The following DLG4 variants were observed in gnomAD, a reference collection of about 807,000 sequenced individuals.
DLG4 encodes discs large MAGUK scaffold protein 4, also known as disks large homolog 4.
A neutral mutation model predicts 93.8 loss-of-function variants in DLG4; 7 were observed. That is an observed-to-expected ratio of 0.07 (90% CI 0.04 to 0.14). The LOEUF (loss-of-function observed/expected upper bound fraction) is 0.14. Among genes scored for constraint, DLG4 ranks in the 10% least tolerant of loss-of-function variants. The pLI, the probability that DLG4 is intolerant of heterozygous loss-of-function variation, is 1.00. For synonymous variants in DLG4, 341 were observed against 387.6 expected (o/e 0.88, Z 1.41); for missense variants, 545 against 992.9 (o/e 0.55, Z 6.06).
At chr17:7,201,473 C>T (rs2070131861) in intron 8 of DLG4, among the ~76,000 whole-genome samples, 1 of 152,130 alleles carries the variant, frequency 6.6e-6, no homozygotes, top group African/African-American at 2.4e-5. Flanking sequence ...CACAGAACAA[C>T]CCCCCACAAT....
chr17:7,193,922 G>C lies in DLG4; in HGVS notation c.1515+42C>G. On this transcript the variant is annotated intron_variant, in intron 13 of 19. Transcript: ENST00000399506. The surrounding 1 kb of genome is among the most constrained non-coding windows in gnomAD (Gnocchi z 6.7). ...GTTAGTTATGAGCTCAGCTCCATGA[G>C]CCCTCACACTTCCACCCAGGCTCAC... 4 of 1,613,018 alleles carry C rather than the reference G, an allele frequency of 2.5e-6. No individual in the cohort carries two copies. Among genetic ancestry groups the C allele is most frequent in the Non-Finnish European group, 3.4e-6 (4 of 1,179,324 alleles).
At chr17:7,216,104 C>T (rs1321928314) in intron 1 of DLG4, among the ~76,000 whole-genome samples, 3 of 151,678 alleles carry the variant, frequency 2.0e-5, no homozygotes, top group Admixed American at 6.6e-5. Context: ...CCCTGCCCTC[C>T]TCCTACACCT....
At chr17:7,219,718 C>T (rs1342186621), upstream of DLG4, 6 of 1,413,496 alleles carry the variant, frequency 4.2e-6, no homozygotes, top group African/African-American at 5.7e-5. Context: ...ATCCCATCAC[C>T]CCGTCGGAGG....
chr17:7,193,351 C>T lies in DLG4; in HGVS notation c.1693+132G>A, dbSNP rs960133226. ...AATGAGAGGGTGGCTGAGAAGCACC[C>T]CTTCTCGGAGAAACCCTGTATCTCC... On this transcript the variant is annotated intron_variant, in intron 16 of 19. Transcript: ENST00000399506. This position sits in a 1 kb window ranked among gnomAD's most constrained non-coding sequence, Gnocchi z 6.7. 2.8e-6 allele frequency: 3 copies of T among 1,054,218 alleles called. No individual in the cohort carries two copies. Among genetic ancestry groups the T allele is most frequent in the Admixed American group, 2.9e-5 (1 of 34,502 alleles). 65.3% of individuals were successfully genotyped at this position (1,054,218 alleles called of 1,614,324 possible).
At chr17:7,197,177 A>C (rs568474902) in intron 8 of DLG4, 125 bp from the exon 9 acceptor site, 2 of 952,930 alleles carry the variant, frequency 2.1e-6, no homozygotes, top group African/African-American at 1.7e-5. Context: ...CAGAGATGCC[A>C]GGGTGGGGTG....
chr17:7,204,186 C>T lies in DLG4; in HGVS notation c.150+13G>A, dbSNP rs1226742904. The T allele has an allele frequency of 2.4e-5, 38 of 1,607,434 alleles. No individual in the cohort carries two copies. Among genetic ancestry groups the T allele is most frequent in the Non-Finnish European group, 3.2e-5 (38 of 1,175,722 alleles). ...TCTGCAATGGCCCCAGCCCCAAAAT[C>T]TAAACAACTCACATATCCTGGGGCT... On this transcript the variant is annotated intron_variant, in intron 3 of 19. Coordinates refer to ENST00000399506, the MANE Select transcript of DLG4 (RefSeq NM_001321075.3).
At position 7,203,148 on chromosome 17, in the gene DLG4, G is replaced by A. The variant is rs1214210842; in HGVS notation, c.642+45C>T. The A allele has an allele frequency of 2.5e-6, 4 of 1,571,132 alleles. No homozygotes were observed. The highest frequency in any genetic ancestry group is 1.7e-4 in the Middle Eastern group (1 of 5,886). On this transcript the variant is annotated intron_variant, in intron 7 of 19. Coordinates refer to ENST00000399506, the MANE Select transcript of DLG4 (RefSeq NM_001321075.3). This position sits in a 1 kb window ranked among gnomAD's most constrained non-coding sequence, Gnocchi z 7.2. ...CTTGGGCCTGCCAGGGCTAGTAGGT[G>A]AGACCCAAATCTGGGCTAGAAAATG...
intron 1 of DLG4, chr17:7,211,628 G>A: frequency 1.0e-6 from 1 of 959,374 alleles, no homozygotes; most frequent in South Asian, 4.8e-5. Context: ...GGAAGGGGGA[G>A]CGGGCCGGAG....
At chr17:7,219,953 C>T, upstream of DLG4, 2 of 1,101,122 alleles carry the variant, frequency 1.8e-6, no homozygotes, top group Non-Finnish European at 1.3e-6. Flanking sequence ...TGGGTCAGAG[C>T]TCGAGCCAGC....
In DLG4 at chr17:7,202,817, G is replaced by A. The variant is rs773875872; in HGVS notation, c.787+86C>T. On this transcript the variant is annotated intron_variant, in intron 8 of 19. Transcript: ENST00000399506. ...ATTTCATAGGGAATATCTGAAGAGG[G>A]ACAGCTACAGGGATGTCGTGGGACT... is the stretch of plus-strand genomic sequence containing the variant. The A allele has an allele frequency of 5.9e-6, 9 of 1,530,190 alleles. No individual in the cohort carries two copies. In the South Asian group the frequency reaches 1.0e-4, roughly 17 times the overall value. The allele number at this position is 1,530,190 out of a possible 1,614,324, so 94.8% of individuals were successfully genotyped here.
chr17:7,217,922 C>A, upstream of DLG4: 1 of 1,137,192 alleles, frequency 8.8e-7, no homozygotes, highest in Non-Finnish European at 1.3e-6. Flanking sequence ...GGTAGGGGGT[C>A]GGGTGTGAGG....
At chr17:7,209,193 C>T (rs1347911579) in intron 1 of DLG4, among the ~76,000 whole-genome samples, 4 of 152,136 alleles carry the variant, frequency 2.6e-5, no homozygotes, top group Non-Finnish European at 5.9e-5. Flanking sequence ...ACTCCCTGCC[C>T]AGTTAATCAG....
At chr17:7,204,811 C>T (rs185311412) in intron 2 of DLG4, 12 of 373,726 alleles carry the variant, frequency 3.2e-5, no homozygotes, top group African/African-American at 1.3e-4. Flanking sequence ...ACCCTGCACC[C>T]CGGGAATCCG....
intron 8 of DLG4, among the ~76,000 whole-genome samples, chr17:7,197,654 T>G (rs1467170732): frequency 6.6e-6 from 1 of 151,944 alleles, no homozygotes; most frequent in Non-Finnish European, 1.5e-5. Flanking sequence ...CCAGCTAATT[T>G]TTGTATTTTT....
Position 7,196,306 on chromosome 17 carries a change from G to A in DLG4, c.1215C>T (p.His405=), listed in dbSNP as rs774871944. The A allele has an allele frequency of 2.5e-5, 40 of 1,613,890 alleles. No homozygotes were observed. The highest frequency in any genetic ancestry group is 1.6e-4 in the Middle Eastern group (1 of 6,084). Reference sequence around the variant, plus strand: ...TGTTCATGAGCTGTTCCCGAAGGTCGTGGATCTTGGCCTCGAATCGGCTGT... The same window carrying A: ...TGTTCATGAGCTGTTCCCGAAGGTCATGGATCTTGGCCTCGAATCGGCTGT... ...EEYSRFEAKI[H]DLREQLMNSS... Residue 405 remains histidine, a synonymous_variant, in exon 11 of 20, where the codon CAC becomes CAT. Coordinates refer to ENST00000399506, the MANE Select transcript of DLG4 (RefSeq NM_001321075.3). This position sits in a 1 kb window ranked among gnomAD's most constrained non-coding sequence, Gnocchi z 8.3.
At chr17:7,201,011 C>T (rs533095285) in intron 8 of DLG4, among the ~76,000 whole-genome samples, 1 of 152,054 alleles carries the variant, frequency 6.6e-6, no homozygotes, top group African/African-American at 2.4e-5. Context: ...AGGCGCTCGC[C>T]ACCACACCCA....
At chr17:7,217,949 C>A, upstream of DLG4, 1 of 877,428 alleles carries the variant, frequency 1.1e-6, no homozygotes, top group South Asian at 1.6e-5. Flanking sequence ...CTGAAGGAGG[C>A]AATCCCTGGG....
At chr17:7,199,248 G>A (rs1021576615) in intron 8 of DLG4, among the ~76,000 whole-genome samples, 2 of 151,744 alleles carry the variant, frequency 1.3e-5, no homozygotes, top group African/African-American at 4.8e-5. Flanking sequence ...CGCCCAGGCT[G>A]GTGTGCAGTG....
intron 8 of DLG4, among the ~76,000 whole-genome samples, chr17:7,200,341 C>T (rs1027348978): frequency 1.3e-5 from 2 of 152,204 alleles, no homozygotes; most frequent in African/African-American, 4.8e-5. Flanking sequence ...TGACTCCTCA[C>T]CCCTTCCAGT....
Sources: allele counts gnomAD v4.1 joint callset (sites outside exome capture counted in the v4.1 genomes callset), GRCh38; gene constraint gnomAD v4.1.1; non-coding constraint Gnocchi (gnomAD v3.1); transcripts MANE v1.5; gene names NCBI Gene and HGNC (gene_info 2026-07-23, HGNC 2026-07-21).